ELAVL3: variants seen among roughly 807,000 people sequenced by gnomAD.
The protein encoded by ELAVL3 is ELAV like RNA binding protein 3.
A neutral mutation model predicts 34.2 loss-of-function variants in ELAVL3; 8 were observed. That is an observed-to-expected ratio of 0.23 (90% CI 0.14 to 0.42). The LOEUF is 0.42. Among genes scored for constraint, ELAVL3 ranks in the 10% least tolerant of loss-of-function variants. The pLI is 1.00. For synonymous variants in ELAVL3, 209 were observed against 222.1 expected (o/e 0.94, Z 0.53); for missense variants, 273 against 518.8 (o/e 0.53, Z 4.60).
chr19:11,463,197 C>T (rs1182481192), intron 3 of ELAVL3, among the ~76,000 whole-genome samples: 1 of 152,036 alleles, frequency 6.6e-6, no homozygotes, highest in African/African-American at 2.4e-5. Flanking sequence ...ACATGGGTTT[C>T]CCAAGGGCAA....
chr19:11,468,837 T>C (rs1321343198), intron 1 of ELAVL3, among the ~76,000 whole-genome samples: 1 of 152,204 alleles, frequency 6.6e-6, no homozygotes, highest in Admixed American at 6.6e-5. Flanking sequence ...TTTTCTTTTA[T>C]TCCTAGATCC....
intron 3 of ELAVL3, among the ~76,000 whole-genome samples, chr19:11,464,149 CTCTA>C (rs1188684885): frequency 7.8e-4 from 75 of 96,564 alleles, no homozygotes; most frequent in Non-Finnish European, 1.1e-3. Flanking sequence ...CTCTCTCTCT[CTCTA>C]TATATATATA....
intron 1 of ELAVL3, among the ~76,000 whole-genome samples, chr19:11,472,896 G>A (rs1401449576): frequency 2.0e-5 from 3 of 151,626 alleles, no homozygotes; most frequent in Non-Finnish European, 4.4e-5. Flanking sequence ...GTGAAACCCC[G>A]TCTCTACTAA....
chr19:11,466,599 C>G lies in ELAVL3; in HGVS notation c.229+9G>C. The G allele has an allele frequency of 3.7e-6, 6 of 1,613,750 alleles. No homozygotes were observed. The highest frequency in any genetic ancestry group is 5.1e-6 in the Non-Finnish European group (6 of 1,179,892). ...CCTCTGTTCCTCCCCGCAACTCCAGCAGCCACACCTGTGATCTTGTCCCGA... is the reference window on the plus strand; with the variant it reads ...CCTCTGTTCCTCCCCGCAACTCCAGGAGCCACACCTGTGATCTTGTCCCGA... On this transcript the variant is annotated intron_variant, in intron 2 of 6. Transcript: ENST00000359227. This position sits in a 1 kb window ranked among gnomAD's most constrained non-coding sequence, Gnocchi z 5.0.
At chr19:11,459,279 C>T (rs377344877) in intron 3 of ELAVL3, among the ~76,000 whole-genome samples, 13 of 152,062 alleles carry the variant, frequency 8.5e-5, no homozygotes, top group East Asian at 3.9e-4. Context: ...CCCACCACCA[C>T]GCCTAGCTAA....
At position 11,454,168 on chromosome 19, in the gene ELAVL3, C is replaced by A. The variant is rs1028416123; in HGVS notation, c.*358G>T. On this transcript the variant is annotated 3_prime_UTR_variant, in exon 7 of 7. Transcript: ENST00000359227. The surrounding 1 kb of genome is among the most constrained non-coding windows in gnomAD (Gnocchi z 9.2). ...AGGGCACCCCCTGGAGCCCCCCAAGCCATCCCATCGGGGGTGGTCGAGGGT... is the reference window on the plus strand; with the variant it reads ...AGGGCACCCCCTGGAGCCCCCCAAGACATCCCATCGGGGGTGGTCGAGGGT... 9.6e-6 allele frequency: 2 copies of A among 209,084 alleles called. No individual in the cohort carries two copies. The highest frequency in any genetic ancestry group is 2.1e-4 in the South Asian group (2 of 9,672). The allele number at this position is 209,084 out of a possible 1,614,324, so 13.0% of individuals were successfully genotyped here. A position where few individuals can be genotyped will look rare whatever the true frequency, so the allele number is the denominator to read the frequency against.
intron 3 of ELAVL3, among the ~76,000 whole-genome samples, chr19:11,464,167 A>ATATATATATATT (rs1319720810): frequency 9.6e-6 from 1 of 103,844 alleles, no homozygotes; most frequent in African/African-American, 4.3e-5. Context: ...ATATATATAT[A>ATATATATATATT]TTTTTTTTTT....
intron 1 of ELAVL3, among the ~76,000 whole-genome samples, chr19:11,477,519 G>A (rs773115281): frequency 1.1e-4 from 17 of 152,032 alleles, no homozygotes; most frequent in Non-Finnish European, 2.4e-4. Flanking sequence ...CTCCCAAAGT[G>A]CTGAGATTAC....
chr19:11,464,914 CCACACACACACCA>C (rs1970998056), intron 3 of ELAVL3, among the ~76,000 whole-genome samples: 1 of 127,352 alleles, frequency 7.9e-6, no homozygotes, highest in South Asian at 2.8e-4. Context: ...CAAACACACA[CCACACACACACCA>C]CACATATACA....
At chr19:11,459,297 T>A (rs913186774) in intron 3 of ELAVL3, among the ~76,000 whole-genome samples, 11 of 151,790 alleles carry the variant, frequency 7.2e-5, no homozygotes, top group Non-Finnish European at 1.2e-4. Flanking sequence ...TAATTTTTTT[T>A]TTATTTTTTT....
chr19:11,464,679 A>AT (rs1970977188), intron 3 of ELAVL3, among the ~76,000 whole-genome samples: 1 of 127,396 alleles, frequency 7.8e-6, no homozygotes, highest in African/African-American at 3.4e-5. Flanking sequence ...CACATCACAC[A>AT]CACACCCCCC....
intron 3 of ELAVL3, among the ~76,000 whole-genome samples, chr19:11,460,526 C>A (rs1315468721): frequency 6.6e-6 from 1 of 152,102 alleles, no homozygotes; most frequent in Admixed American, 6.6e-5. Context: ...TCCTTGCCCT[C>A]ATCTCCCCCT....
intron 1 of ELAVL3, among the ~76,000 whole-genome samples, chr19:11,479,225 A>G (rs1971320480): frequency 6.6e-6 from 1 of 152,176 alleles, no homozygotes; most frequent in African/African-American, 2.4e-5. Flanking sequence ...GAACAGCACG[A>G]GGCCCAGAGA....
rs950823031 is a variant in ELAVL3, at chr19:11,451,494, CTTTTTTTTTT to C, written c.*3022_*3031del. 1 of 65,532 alleles carries C rather than the reference CTTTTTTTTTT, an allele frequency of 1.5e-5. No individual in the cohort carries two copies. 4.1% of individuals were successfully genotyped at this position (65,532 alleles called of 1,614,324 possible). ...TTTTTTTTTTTGTCTTTTGTTTTGT[CTTTTTTTTTT>C]TTTTTTTTTTTACAGTTTTTTATCA... On this transcript the variant is annotated 3_prime_UTR_variant, in exon 7 of 7. Coordinates refer to ENST00000359227, the MANE Select transcript of ELAVL3 (RefSeq NM_001420.4).
At chr19:11,456,741 G>A (rs900559648) in intron 6 of ELAVL3, among the ~76,000 whole-genome samples, 2 of 152,008 alleles carry the variant, frequency 1.3e-5, no homozygotes, top group Non-Finnish European at 2.9e-5. Context: ...ATAGTTCACT[G>A]CAGCCTCCAA....
intron 5 of ELAVL3, 109 bp from the exon 6 acceptor site, chr19:11,457,257 C>T: frequency 8.6e-7 from 1 of 1,158,888 alleles, no homozygotes; most frequent in Non-Finnish European, 1.2e-6. Context: ...CAGCAGAGCC[C>T]TGCCCCCGCC....
At position 11,454,137 on chromosome 19, in the gene ELAVL3, T is replaced by G; in HGVS notation, c.*389A>C. ...TGCTGGGGAGGCCTGGGCAAGGGGG[T>G]CTGGGAGGGCACCCCCTGGAGCCCC... On this transcript the variant is annotated 3_prime_UTR_variant, in exon 7 of 7. Transcript: ENST00000359227. This position sits in a 1 kb window ranked among gnomAD's most constrained non-coding sequence, Gnocchi z 9.2. The G allele has an allele frequency of 1.1e-5, 2 of 179,046 alleles. No homozygotes were observed. Among genetic ancestry groups the G allele is most frequent in the South Asian group, 1.4e-4 (1 of 7,022 alleles). 11.1% of individuals were successfully genotyped at this position (179,046 alleles called of 1,614,324 possible).
At chr19:11,464,168 T>TATATATATATATA (rs34925349) in intron 3 of ELAVL3, among the ~76,000 whole-genome samples, 1 of 79,136 alleles carries the variant, frequency 1.3e-5, no homozygotes, top group African/African-American at 8.1e-5. Context: ...TATATATATA[T>TATATATATATATA]TTTTTTTTTT....
rs1178831321 is a variant in ELAVL3, at chr19:11,458,643, G to A, written c.334-32C>T. The A allele has an allele frequency of 1.2e-6, 2 of 1,610,414 alleles. No individual in the cohort carries two copies. The highest frequency in any genetic ancestry group is 8.5e-7 in the Non-Finnish European group (1 of 1,178,912). On this transcript the variant is annotated intron_variant, in intron 3 of 6. Transcript: ENST00000359227. This position sits in a 1 kb window ranked among gnomAD's most constrained non-coding sequence, Gnocchi z 7.3. ...GAGGGGGTCAGATGGACAGGGGTGA[G>A]GCAGAGACCCATTTCACAGATGGAG...
Sources: allele counts gnomAD v4.1 joint callset (sites outside exome capture counted in the v4.1 genomes callset), GRCh38; gene constraint gnomAD v4.1.1; non-coding constraint Gnocchi (gnomAD v3.1); transcripts MANE v1.5; gene names NCBI Gene and HGNC (gene_info 2026-07-23, HGNC 2026-07-21).